The following GLRA1 variants were observed in gnomAD, a reference collection of about 807,000 sequenced individuals.
The protein encoded by GLRA1 is glycine receptor subunit alpha-1.
In GLRA1, 37 loss-of-function variants were observed where a neutral mutation model predicts 48.3. The ratio of observed to expected loss-of-function variants is 0.77; its 90% CI spans 0.59 to 1.01. The LOEUF (loss-of-function observed/expected upper bound fraction) is 1.01. Among genes scored for constraint, GLRA1 ranks in the 50% least tolerant of loss-of-function variants. The pLI, the probability that GLRA1 is intolerant of heterozygous loss-of-function variation, is 0.00. For missense variants in GLRA1, 427 were observed against 571.0 expected, an observed-to-expected ratio of 0.75 and a Z score of 2.57; for synonymous variants, 196 against 210.7, an observed-to-expected ratio of 0.93 and a Z score of 0.60.
chr5:151,903,621 T>C (rs116314620), intron 1 of GLRA1, among the ~76,000 whole-genome samples: 1,845 of 152,278 alleles, frequency 0.012, 35 homozygotes, highest in African/African-American at 0.042. Flanking sequence ...AAGACATTCA[T>C]TGATCACCTG....
At chr5:151,903,988 C>T (rs149414442) in intron 1 of GLRA1, among the ~76,000 whole-genome samples, 7 of 152,322 alleles carry the variant, frequency 4.6e-5, no homozygotes, top group African/African-American at 1.7e-4. Context: ...AAACAGCTCA[C>T]TCAATTCAAA....
chr5:151,878,097 G>A (rs1170495359), intron 3 of GLRA1, among the ~76,000 whole-genome samples: 1 of 152,208 alleles, frequency 6.6e-6, no homozygotes, highest in East Asian at 1.9e-4. Flanking sequence ...CTTGTTGAAT[G>A]GCTTTGCCTA....
chr5:151,884,638 G>A (rs1753850922), intron 3 of GLRA1, among the ~76,000 whole-genome samples: 1 of 152,162 alleles, frequency 6.6e-6, no homozygotes. Context: ...TGGGAAGTAA[G>A]GCTATATCTT....
chr5:151,919,884 G>T (rs1441475620), intron 1 of GLRA1, among the ~76,000 whole-genome samples: 1 of 152,228 alleles, frequency 6.6e-6, no homozygotes, highest in Non-Finnish European at 1.5e-5. Flanking sequence ...TAAAAATCAT[G>T]CTGGCTTCTG....
Position 151,822,740 on chromosome 5 carries a change from AG to A in GLRA1, c.1282del (p.Leu428SerfsTer43). The A allele has an allele frequency of 6.2e-7, 1 of 1,613,898 alleles. No individual in the cohort carries two copies. On this transcript the variant is annotated frameshift_variant, in exon 9 of 9. Coordinates refer to ENST00000274576, the MANE Select transcript of GLRA1 (RefSeq NM_000171.4). LOFTEE classifies it high-confidence loss of function. The part of the protein sequence containing the change: ...ISRIGFPMAF[L>X]IFNMFYWIIY... ...GATCCAGTAGAACATGTTGAAAATG[AG>A]GAAGGCCATGGGGAAGCCAATGCGG...
At chr5:151,867,980 A>G (rs1753379559) in intron 3 of GLRA1, among the ~76,000 whole-genome samples, 1 of 152,254 alleles carries the variant, frequency 6.6e-6, no homozygotes, top group Admixed American at 6.5e-5. Context: ...AGGAGAAAAC[A>G]GGTACAGAAA....
chr5:151,850,323 C>T, intron 7 of GLRA1: 1 of 1,564,334 alleles, frequency 6.4e-7, no homozygotes, highest in Non-Finnish European at 8.8e-7. Context: ...CATGGGAGAT[C>T]ATTTCTGGGT....
chr5:151,847,804 G>A (rs551014548), intron 7 of GLRA1, among the ~76,000 whole-genome samples: 28 of 152,130 alleles, frequency 1.8e-4, no homozygotes, highest in East Asian at 5.8e-4. Context: ...TGTATTGATC[G>A]TAAGGGTGAC....
In GLRA1 at chr5:151,911,625, A is replaced by G. The variant is rs1190604365; in HGVS notation, c.56+12869T>C. On this transcript the variant is annotated intron_variant, in intron 1 of 8. Coordinates refer to ENST00000274576, the MANE Select transcript of GLRA1 (RefSeq NM_000171.4). ...GTTTTTTTTTTTTTTTTTTTTTTTG[A>G]GATGGAGTCTCACTCTTTTGCCCAG... Among the ~76,000 whole-genome samples, 15 of 43,186 alleles carry G rather than the reference A, an allele frequency of 3.5e-4. No homozygotes were observed. In the South Asian group the frequency reaches 7.9e-3, roughly 23 times the overall value. 28.3% of individuals were successfully genotyped at this position (43,186 alleles called of 152,430 possible). A position where few individuals can be genotyped will look rare whatever the true frequency, so the allele number is the denominator to read the frequency against.
chr5:151,924,284 C>A (rs937330885), intron 1 of GLRA1, among the ~76,000 whole-genome samples: 3 of 149,294 alleles, frequency 2.0e-5, no homozygotes, highest in African/African-American at 7.4e-5. Context: ...CTCAGACCTC[C>A]ACGCACAAGC....
rs140545985 is a variant in GLRA1, at chr5:151,833,757, C to G, written c.913-4690G>C. On this transcript the variant is annotated intron_variant, in intron 7 of 8. Coordinates refer to ENST00000274576, the MANE Select transcript of GLRA1 (RefSeq NM_000171.4). ...GGATTATAGGCATGAGCAATCGTGT[C>G]TGGCAGGATGGAGGGATATTTACCA... 6.8e-3 allele frequency among the ~76,000 whole-genome samples: 878 copies of G among 129,620 alleles called. 2 individuals carry two copies. Among genetic ancestry groups the G allele is most frequent in the Non-Finnish European group, 0.01 (665 of 64,324 alleles). The allele number at this position is 129,620 out of a possible 152,430, so 85.0% of individuals were successfully genotyped here.
intron 8 of GLRA1, among the ~76,000 whole-genome samples, chr5:151,826,589 G>A (rs1763276675): frequency 6.6e-6 from 1 of 152,204 alleles, no homozygotes; most frequent in Non-Finnish European, 1.5e-5. Flanking sequence ...CAGTTGCATG[G>A]AAGGAGTGGA....
intron 3 of GLRA1, among the ~76,000 whole-genome samples, chr5:151,870,708 C>T (rs1047515916): frequency 1.3e-5 from 2 of 149,704 alleles, no homozygotes; most frequent in African/African-American, 5.1e-5. Flanking sequence ...GAAACACCAA[C>T]TTTCTTGCCA....
intron 1 of GLRA1, among the ~76,000 whole-genome samples, chr5:151,900,980 C>T (rs2113435086): frequency 6.6e-6 from 1 of 152,262 alleles, no homozygotes. Flanking sequence ...AGCTGTGCAG[C>T]ATTATTTGGC....
At chr5:151,883,643 A>G (rs1753823066) in intron 3 of GLRA1, among the ~76,000 whole-genome samples, 1 of 152,262 alleles carries the variant, frequency 6.6e-6, no homozygotes, top group Non-Finnish European at 1.5e-5. Context: ...AATGGCATGT[A>G]ACAATAGTTG....
rs17112333 is a variant in GLRA1, at chr5:151,893,126, C to T, written c.57-688G>A. Among the ~76,000 whole-genome samples the T allele has an allele frequency of 8.4e-3, 1,276 of 152,134 alleles. 20 individuals are homozygous for T. The highest frequency in any genetic ancestry group is 0.029 in the African/African-American group (1,204 of 41,512). On this transcript the variant is annotated intron_variant, in intron 1 of 8. Transcript: ENST00000274576. The stretch of plus-strand genomic sequence containing the variant: ...TCAGTAGTGGCTTATTTCACTGTAT[C>T]GAGAGTTAGGTGATTAGAAGTCAAA...
At chr5:151,849,183 C>CTTTCTTTCT (rs1752795080) in intron 7 of GLRA1, 1 of 103,786 alleles carries the variant, frequency 9.6e-6, no homozygotes, top group Non-Finnish European at 1.9e-5. Flanking sequence ...TTCTTTCTTT[C>CTTTCTTTCT]TTTCTTTTCT....
chr5:151,875,940 C>T (rs550957587), intron 3 of GLRA1, among the ~76,000 whole-genome samples: 1 of 152,314 alleles, frequency 6.6e-6, no homozygotes, highest in East Asian at 1.9e-4. Flanking sequence ...CTCTAAGCCT[C>T]AGTTTCCTTA....
chr5:151,876,730 C>T (rs1443502822), intron 3 of GLRA1, among the ~76,000 whole-genome samples: 1 of 152,078 alleles, frequency 6.6e-6, no homozygotes, highest in East Asian at 1.9e-4. Flanking sequence ...GAAGTCACTC[C>T]TAGGTGGAAC....
Sources: allele counts gnomAD v4.1 joint callset (sites outside exome capture counted in the v4.1 genomes callset), GRCh38; gene constraint gnomAD v4.1.1; transcripts MANE v1.5; gene names NCBI Gene and HGNC (gene_info 2026-07-23, HGNC 2026-07-21).